Variants in CCDC6 observed in about 807,000 individuals in gnomAD.
The protein encoded by CCDC6 is coiled-coil domain-containing protein 6.
In CCDC6, 20 loss-of-function variants were observed where a neutral mutation model predicts 56.6. The observed-to-expected ratio is 0.35, with a 90% confidence interval of 0.25 to 0.51. The LOEUF is 0.51. CCDC6 is among the 20% of genes least tolerant of loss of function. The pLI is 0.95. For synonymous variants in CCDC6, 241 were observed against 234.4 expected (o/e 1.03, Z -0.26); for missense variants, 367 against 601.1 (o/e 0.61, Z 4.07).
intron 1 of CCDC6, among the ~76,000 whole-genome samples, chr10:59,905,231 C>A (rs1289138696): frequency 1.3e-5 from 2 of 152,130 alleles, no homozygotes; most frequent in Non-Finnish European, 2.9e-5. Context: ...TTCTAAACGC[C>A]TGCCACACCA....
chr10:59,870,871 C>G (rs16914296), intron 1 of CCDC6, among the ~76,000 whole-genome samples: 36,391 of 152,122 alleles, frequency 0.24, 4,879 homozygotes, highest in African/African-American at 0.37. Context: ...GAGGAGTCAA[C>G]CACCAGCCCG....
intron 1 of CCDC6, among the ~76,000 whole-genome samples, chr10:59,877,142 T>C (rs2071290921): frequency 6.6e-6 from 1 of 152,204 alleles, no homozygotes; most frequent in African/African-American, 2.4e-5. Context: ...TAAATGCCAT[T>C]ACGCAGTGCA....
chr10:59,852,933 T>C (rs1388648876), intron 1 of CCDC6, among the ~76,000 whole-genome samples: 1 of 152,176 alleles, frequency 6.6e-6, no homozygotes, highest in African/African-American at 2.4e-5. Flanking sequence ...CTATGTGTGG[T>C]CCTTATTCTT....
intron 1 of CCDC6, among the ~76,000 whole-genome samples, chr10:59,889,827 C>A (rs533085523): frequency 4.6e-5 from 7 of 152,220 alleles, no homozygotes; most frequent in Non-Finnish European, 1.0e-4. Context: ...TCTGATGGCA[C>A]TACCTCCTCC....
In CCDC6 at chr10:59,828,526, G is replaced by A. The variant is rs541954593; in HGVS notation, c.582+3999C>T. Among the ~76,000 whole-genome samples the A allele has an allele frequency of 5.9e-5, 9 of 152,306 alleles. No individual in the cohort carries two copies. In the East Asian group the frequency reaches 1.2e-3, roughly 20 times the overall value. On this transcript the variant is annotated intron_variant, in intron 3 of 8. Coordinates refer to ENST00000263102, the MANE Select transcript of CCDC6 (RefSeq NM_005436.5). ...AGAGTTCTTTGAAGTATAAAAGAAA[G>A]ATGACATTGCCTTTACTTTTGCAAA...
intron 4 of CCDC6, among the ~76,000 whole-genome samples, 180 bp downstream of exon 4, chr10:59,814,472 A>T (rs1475868201): frequency 1.3e-5 from 2 of 152,180 alleles, no homozygotes; most frequent in African/African-American, 4.8e-5. Flanking sequence ...AAGAATAAAG[A>T]GGTGCCCAAC....
At chr10:59,845,958 G>A (rs924231905) in intron 2 of CCDC6, among the ~76,000 whole-genome samples, 2 of 152,178 alleles carry the variant, frequency 1.3e-5, no homozygotes, top group Admixed American at 6.5e-5. Flanking sequence ...CTTGACATGT[G>A]ATTTTGCTCC....
At chr10:59,828,879 G>T (rs555288337) in intron 3 of CCDC6, among the ~76,000 whole-genome samples, 2 of 152,292 alleles carry the variant, frequency 1.3e-5, no homozygotes, top group African/African-American at 4.8e-5. Context: ...GTCCCCACTA[G>T]CGTCTGGGGA....
intron 1 of CCDC6, among the ~76,000 whole-genome samples, chr10:59,899,335 T>G (rs146643680): frequency 6.6e-6 from 1 of 152,280 alleles, no homozygotes; most frequent in East Asian, 1.9e-4. Context: ...GGAAAAAAAG[T>G]ATGCAGAGAG....
rs773923776 is a variant in CCDC6, at chr10:59,906,113, G to A, written c.303+9C>T. On this transcript the variant is annotated intron_variant, in intron 1 of 8. Coordinates refer to ENST00000263102, the MANE Select transcript of CCDC6 (RefSeq NM_005436.5). Reference sequence around the variant, plus strand: ...TCGGCGCTGCGGCGCGTCCCCGGGGGGCACTCACGATGGTCACGCTGGCTT... The same window carrying A: ...TCGGCGCTGCGGCGCGTCCCCGGGGAGCACTCACGATGGTCACGCTGGCTT... 1 of 1,578,668 alleles carries A rather than the reference G, an allele frequency of 6.3e-7. No individual in the cohort carries two copies. The highest frequency in any genetic ancestry group is 1.7e-5 in the Admixed American group (1 of 58,148).
intron 2 of CCDC6, among the ~76,000 whole-genome samples, chr10:59,841,503 G>T (rs1004254348): frequency 5.9e-5 from 9 of 151,766 alleles, no homozygotes; most frequent in African/African-American, 2.2e-4. Flanking sequence ...CTTACCTGTA[G>T]ATTCTTAAGA....
Position 59,792,859 on chromosome 10 carries a change from T to C in CCDC6, c.*58A>G, listed in dbSNP as rs768057993. On this transcript the variant is annotated 3_prime_UTR_variant, in exon 9 of 9. Coordinates refer to ENST00000263102, the MANE Select transcript of CCDC6 (RefSeq NM_005436.5). The stretch of plus-strand genomic sequence containing the variant: ...ATGCCAGAGAAGGAAGCCTTTGGCG[T>C]TGAGTAGACGGCTCCATTGGATGAG... 5 of 1,548,688 alleles carry C rather than the reference T, an allele frequency of 3.2e-6. No individual in the cohort carries two copies. The highest frequency in any genetic ancestry group is 3.3e-5 in the Admixed American group (2 of 59,906).
At chr10:59,854,972 A>T (rs2071069224) in intron 1 of CCDC6, among the ~76,000 whole-genome samples, 1 of 152,256 alleles carries the variant, frequency 6.6e-6, no homozygotes, top group Non-Finnish European at 1.5e-5. Context: ...TTTCATTATC[A>T]GATCAGACTC....
chr10:59,881,827 G>A (rs960352295), intron 1 of CCDC6, among the ~76,000 whole-genome samples: 2 of 152,196 alleles, frequency 1.3e-5, no homozygotes, highest in Non-Finnish European at 2.9e-5. Flanking sequence ...ATGTGTGATA[G>A]GGTAGACGTA....
chr10:59,817,945 C>A (rs2070720850), intron 3 of CCDC6, among the ~76,000 whole-genome samples: 1 of 152,144 alleles, frequency 6.6e-6, no homozygotes, highest in Admixed American at 6.5e-5. Flanking sequence ...GGCAAATCAT[C>A]ATTTTAAAGC....
chr10:59,793,841 A>C (rs956107122), intron 8 of CCDC6, among the ~76,000 whole-genome samples: 24 of 152,182 alleles, frequency 1.6e-4, no homozygotes, highest in Non-Finnish European at 3.1e-4. Flanking sequence ...CTTCAGAAAT[A>C]CCTTAAGTGC....
chr10:59,869,887 ACATGCCACACT>A (rs1295944280), intron 1 of CCDC6, among the ~76,000 whole-genome samples: 1 of 152,064 alleles, frequency 6.6e-6, no homozygotes, highest in Non-Finnish European at 1.5e-5. Context: ...CTGTTCCCAC[ACATGCCACACT>A]CATGATCCCT....
At position 59,882,566 on chromosome 10, in the gene CCDC6, GCGGGGAGAAGGAAAGGAAA is replaced by G. The variant is rs2071350890; in HGVS notation, c.303+23537_303+23555del. ...CCGCGGGGAGAAGGAAAGGAAAGCC[GCGGGGAGAAGGAAAGGAAA>G]GCCGCGGGGAGAAGGAAAGGAAAGC... On this transcript the variant is annotated intron_variant, in intron 1 of 8. Transcript: ENST00000263102. 2.5e-4 allele frequency among the ~76,000 whole-genome samples: 4 copies of G among 15,970 alleles called. 1 individual carries two copies. The highest frequency in any genetic ancestry group is 7.0e-4 in the Non-Finnish European group (3 of 4,294). 10.5% of individuals were successfully genotyped at this position (15,970 alleles called of 152,430 possible).
At chr10:59,826,187 C>T (rs2070786645) in intron 3 of CCDC6, among the ~76,000 whole-genome samples, 1 of 152,200 alleles carries the variant, frequency 6.6e-6, no homozygotes, top group South Asian at 2.1e-4. Flanking sequence ...AAGTACACCA[C>T]ACAGCAGATA....
Sources: allele counts gnomAD v4.1 joint callset (sites outside exome capture counted in the v4.1 genomes callset), GRCh38; gene constraint gnomAD v4.1.1; transcripts MANE v1.5; gene names NCBI Gene and HGNC (gene_info 2026-07-23, HGNC 2026-07-21).